Variants in ZNF7 observed in about 807,000 individuals in gnomAD.
The protein encoded by ZNF7 is C2-H2 type zinc finger protein.
ZNF7 carries 10 observed loss-of-function variants against 12.0 expected under a neutral mutation model. That is an observed-to-expected ratio of 0.83 (90% CI 0.51 to 1.42). The LOEUF (loss-of-function observed/expected upper bound fraction) is 1.42, where lower values mean the gene tolerates loss of function less well. Among genes scored for constraint, ZNF7 ranks in the 40% most tolerant of loss-of-function variants. The pLI is 0.00. For missense variants in ZNF7, 854 were observed against 837.2 expected (o/e 1.02, Z -0.25); for synonymous variants, 334 against 295.0 (o/e 1.13, Z -1.35).
chr8:144,828,857 A>G, intron 1 of ZNF7, 186 bp from the exon 2 acceptor site: 2 of 695,118 alleles, frequency 2.9e-6, no homozygotes, highest in Non-Finnish European at 4.8e-6. Flanking sequence ...TACACTCTAA[A>G]GAGGAACAAG....
In ZNF7 at chr8:144,842,595, C is replaced by T. The variant is rs1830086948; in HGVS notation, c.1488C>T (p.Pro496=). The change falls in exon 5 of 5, where the codon CCC becomes CCT. Residue 496 remains proline, a synonymous_variant. Coordinates refer to ENST00000532777, the MANE Select transcript of ZNF7 (RefSeq NM_003416.4). ...AGCGAATCCACACTGGAGAGAAACC[C>T]TATGTGTGTAATGACTGTGGAAAAG... The part of the protein sequence containing the change: ...QHQRIHTGEK[P]YVCNDCGKAF... 1 of 1,614,204 alleles carries T rather than the reference C, an allele frequency of 6.2e-7. No homozygotes were observed. The highest frequency in any genetic ancestry group is 8.5e-7 in the Non-Finnish European group (1 of 1,180,032).
In ZNF7 at chr8:144,842,393, G is replaced by T; in HGVS notation, c.1286G>T (p.Ser429Ile). The T allele has an allele frequency of 6.2e-7, 1 of 1,613,996 alleles. No individual in the cohort carries two copies. Among genetic ancestry groups the T allele is most frequent in the Non-Finnish European group, 8.5e-7 (1 of 1,180,018 alleles). ...GCTTTTAGGTGGATCTCTCGCCTGA[G>T]TCAGCATCAGCTGATTCACACTGGA... ...GKAFRWISRLSQHQLIHTGEK... is the reference protein window; with the variant it reads ...GKAFRWISRLIQHQLIHTGEK... Residue 429 changes from serine (S) to isoleucine (I), a missense_variant, in exon 5 of 5, where the codon AGT becomes ATT. Transcript: ENST00000532777.
At position 144,842,084 on chromosome 8, in the gene ZNF7, G is replaced by C. The variant is rs1178465397; in HGVS notation, c.977G>C (p.Arg326Thr). The C allele has an allele frequency of 2.5e-6, 4 of 1,614,148 alleles. No homozygotes were observed. The highest frequency in any genetic ancestry group is 3.4e-6 in the Non-Finnish European group (4 of 1,180,032). ...GQSSSLIHHQ[R>T]IHTGERPYGC... ...AGCTCAAGCCTCATCCACCATCAGAGAATCCACACAGGAGAGAGGCCCTAT... is the reference window on the plus strand; with the variant it reads ...AGCTCAAGCCTCATCCACCATCAGACAATCCACACAGGAGAGAGGCCCTAT... Residue 326 changes from arginine (R) to threonine (T), a missense_variant, in exon 5 of 5, where the codon AGA becomes ACA. Coordinates refer to ENST00000532777, the MANE Select transcript of ZNF7 (RefSeq NM_003416.4).
intron 3 of ZNF7, chr8:144,836,705 C>G (rs1586808213): frequency 6.6e-6 from 1 of 152,586 alleles, no homozygotes; most frequent in Middle Eastern, 3.4e-3. Flanking sequence ...TGGGGGAACC[C>G]TGAAGGAAGC....
At chr8:144,846,675 A>G (rs1412490097), downstream of ZNF7, 2 of 154,738 alleles carry the variant, frequency 1.3e-5, no homozygotes, top group African/African-American at 4.8e-5. Flanking sequence ...CAGGTTAGAT[A>G]TTAGCCACGG....
chr8:144,840,224 C>G (rs1829699107), intron 4 of ZNF7, among the ~76,000 whole-genome samples: 1 of 152,216 alleles, frequency 6.6e-6, no homozygotes, highest in African/African-American at 2.4e-5. Flanking sequence ...AGGACCAGGC[C>G]TGGAGATGCC....
chr8:144,830,243 G>A (rs543638084), intron 3 of ZNF7, among the ~76,000 whole-genome samples: 3 of 152,330 alleles, frequency 2.0e-5, no homozygotes, highest in Admixed American at 6.5e-5. Flanking sequence ...GAACTGACGC[G>A]GGCATCGTTG....
chr8:144,840,708 G>A (rs1012047420), intron 4 of ZNF7, among the ~76,000 whole-genome samples: 12 of 152,162 alleles, frequency 7.9e-5, no homozygotes, highest in Admixed American at 2.0e-4. Context: ...GAAGAAGTCA[G>A]TGTGGTCTTA....
At chr8:144,830,728 C>CTTTTTTTTTTTT (rs756859185) in intron 3 of ZNF7, among the ~76,000 whole-genome samples, 1 of 139,034 alleles carries the variant, frequency 7.2e-6, no homozygotes, top group African/African-American at 2.6e-5. Context: ...AGTGAGGGTC[C>CTTTTTTTTTTTT]TTTTTTTTTT....
chr8:144,836,044 T>C (rs1303300568), intron 3 of ZNF7: 1 of 152,274 alleles, frequency 6.6e-6, no homozygotes, highest in East Asian at 1.9e-4. Context: ...CTAGTAAATG[T>C]ATCTAAAAGT....
At chr8:144,834,066 CAT>C (rs1828735128) in intron 3 of ZNF7, 1 of 152,232 alleles carries the variant, frequency 6.6e-6, no homozygotes, top group African/African-American at 2.4e-5. Context: ...CTTGAGCCAC[CAT>C]GCCCGGCTGC....
rs756456014 is a variant in ZNF7 at position 144,841,907 on chromosome 8, A to G, written c.800A>G (p.Gln267Arg). ...KVFRLCSQLN[Q>R]HQRIHTGEKP... ...TTCAGGCTCTGCTCGCAGCTTAATC[A>G]GCATCAGAGAATCCACACGGGAGAG... The change falls in exon 5 of 5, where the codon CAG (glutamine) becomes CGG (arginine). Residue 267 changes from glutamine (Q) to arginine (R), a missense_variant. Transcript: ENST00000532777. 14 of 1,614,024 alleles carry G rather than the reference A, an allele frequency of 8.7e-6. No individual in the cohort carries two copies. The highest frequency in any genetic ancestry group is 1.2e-5 in the Non-Finnish European group (14 of 1,180,028).
At chr8:144,845,448 T>G (rs928916032), downstream of ZNF7, among the ~76,000 whole-genome samples, 7 of 152,214 alleles carry the variant, frequency 4.6e-5, no homozygotes, top group South Asian at 1.5e-3. Context: ...GGTGGGGTTC[T>G]TGGCACATGC....
chr8:144,845,875 G>C (rs1052173061), downstream of ZNF7: 26 of 1,142,700 alleles, frequency 2.3e-5, no homozygotes, highest in African/African-American at 3.9e-4. Context: ...TCCCTGCCTT[G>C]CGTCACGTGG....
intron 4 of ZNF7, 191 bp from the exon 5 acceptor site, chr8:144,841,164 A>G: frequency 1.6e-6 from 1 of 626,698 alleles, no homozygotes. Context: ...ATGAGTGAAC[A>G]AGGTAAAAAG....
intron 2 of ZNF7, 47 bp downstream of exon 2, chr8:144,829,137 C>A: frequency 1.2e-6 from 2 of 1,612,440 alleles, no homozygotes; most frequent in Admixed American, 1.7e-5. Context: ...CTGTGAAGGC[C>A]CACCTCCTGC....
intron 4 of ZNF7, chr8:144,841,018 A>G (rs1829831020): frequency 4.1e-6 from 1 of 244,094 alleles, no homozygotes; most frequent in Non-Finnish European, 7.9e-6. Flanking sequence ...AATCCGTGGT[A>G]GCTTCCCACC....
At chr8:144,828,743 G>A in intron 1 of ZNF7, 1 of 393,732 alleles carries the variant, frequency 2.5e-6, no homozygotes, top group East Asian at 4.3e-5. Flanking sequence ...CTTCGTGAAG[G>A]CAGGGTCCTC....
At chr8:144,831,691 G>C (rs1314750217) in intron 3 of ZNF7, among the ~76,000 whole-genome samples, 49 of 98,882 alleles carry the variant, frequency 5.0e-4, no homozygotes, top group Admixed American at 1.1e-3. Flanking sequence ...GCTGAGGCAC[G>C]AGAATCGCTT....
Sources: allele counts gnomAD v4.1 joint callset (sites outside exome capture counted in the v4.1 genomes callset), GRCh38; gene constraint gnomAD v4.1.1; transcripts MANE v1.5; gene names NCBI Gene and HGNC (gene_info 2026-07-23, HGNC 2026-07-21).